The following GABRA3 variants were observed in gnomAD, a reference collection of about 807,000 sequenced individuals.
GABRA3 encodes gamma-aminobutyric acid type A receptor subunit alpha3, also known as gamma-aminobutyric acid receptor subunit alpha-3.
In GABRA3, 10 loss-of-function variants were observed where a neutral mutation model predicts 30.1. That is an observed-to-expected ratio of 0.33 (90% CI 0.20 to 0.56). The LOEUF is 0.56. GABRA3 is among the 20% of genes least tolerant of loss of function. The pLI, the probability that GABRA3 is intolerant of heterozygous loss-of-function variation, is 0.89. For missense variants in GABRA3, 233 were observed against 392.0 expected (o/e 0.59, Z 3.42); for synonymous variants, 151 against 146.8 (o/e 1.03, Z -0.21).
intron 4 of GABRA3, among the ~76,000 whole-genome samples, chrX:152,276,750 G>C (rs1939093387): frequency 1.8e-5 from 2 of 111,000 alleles, no homozygotes; most frequent in Non-Finnish European, 3.8e-5. Flanking sequence ...TAAAAAATAA[G>C]TTGTATAATG....
At chrX:152,391,916 A>T (rs1365814797) in intron 1 of GABRA3, among the ~76,000 whole-genome samples, 1 of 111,978 alleles carries the variant, frequency 8.9e-6, no homozygotes, top group Non-Finnish European at 1.9e-5. Context: ...GCAAATACTT[A>T]TCATTTATAT....
At chrX:152,407,588 G>C (rs1036116184) in intron 1 of GABRA3, among the ~76,000 whole-genome samples, 1 of 111,806 alleles carries the variant, frequency 8.9e-6, no homozygotes, top group African/African-American at 3.3e-5. Context: ...GTAATAAAAT[G>C]TCTTCCATCA....
rs544097398 is a variant in GABRA3 at position 152,186,573 on chromosome X, G to C, written c.1143+3157C>G. 3.8e-5 allele frequency among the ~76,000 whole-genome samples: 4 copies of C among 104,250 alleles called. No individual in the cohort carries two copies. The South Asian group carries it at 1.7e-3, about 45-fold the overall frequency. The allele number at this position is 104,250 out of a possible 115,157, so 90.5% of individuals were successfully genotyped here. ...AGCCTAATTGTACTATTTTTTTTTT[G>C]CCTCCCTCCCTTCCTTCCTTCCTTT... On this transcript the variant is annotated intron_variant, in intron 9 of 9. Transcript: ENST00000370314.
chrX:152,434,744 T>C (rs1930734533), intron 1 of GABRA3, among the ~76,000 whole-genome samples: 1 of 111,797 alleles, frequency 8.9e-6, no homozygotes, highest in African/African-American at 3.3e-5. Flanking sequence ...CACTTAAAAG[T>C]CAATCACTGT....
At chrX:152,445,706 T>C (rs1931071546) in intron 1 of GABRA3, among the ~76,000 whole-genome samples, 1 of 111,260 alleles carries the variant, frequency 9.0e-6, no homozygotes. Flanking sequence ...TTGGAGGCTC[T>C]TTCTAAATAT....
chrX:152,231,717 T>C (rs951415261), intron 5 of GABRA3, among the ~76,000 whole-genome samples: 9 of 111,656 alleles, frequency 8.1e-5, no homozygotes, highest in African/African-American at 2.9e-4. Context: ...AAGAAAGACC[T>C]GTTTATAGCA....
intron 1 of GABRA3, among the ~76,000 whole-genome samples, chrX:152,376,886 A>G (rs1254984237): frequency 8.9e-6 from 1 of 111,746 alleles, no homozygotes; most frequent in Non-Finnish European, 1.9e-5. Context: ...ACACAACAGA[A>G]AATATATCAC....
intron 4 of GABRA3, among the ~76,000 whole-genome samples, chrX:152,282,047 C>T (rs1204726565): frequency 8.9e-6 from 1 of 111,967 alleles, no homozygotes; most frequent in Non-Finnish European, 1.9e-5. Flanking sequence ...CTTCATGGAG[C>T]TTTTGTCAAA....
chrX:152,334,183 T>C (rs1035671732), intron 3 of GABRA3, among the ~76,000 whole-genome samples: 3 of 111,762 alleles, frequency 2.7e-5, no homozygotes, highest in Non-Finnish European at 3.8e-5. Flanking sequence ...TTAAAAACTT[T>C]TAGCAAACTA....
intron 3 of GABRA3, among the ~76,000 whole-genome samples, chrX:152,299,708 TATAA>T (rs1418218783): frequency 8.9e-6 from 1 of 112,104 alleles, no homozygotes; most frequent in African/African-American, 3.2e-5. Flanking sequence ...TCCCACTTGT[TATAA>T]ATAAATTTCT....
At chrX:152,382,224 A>G (rs889718029) in intron 1 of GABRA3, among the ~76,000 whole-genome samples, 3 of 112,500 alleles carry the variant, frequency 2.7e-5, no homozygotes, top group Middle Eastern at 4.2e-3. Context: ...CAAAACCACA[A>G]TGAGATACCA....
chrX:152,387,373 T>G (rs189157023), intron 1 of GABRA3, among the ~76,000 whole-genome samples: 11 of 111,615 alleles, frequency 9.9e-5, no homozygotes, highest in Non-Finnish European at 2.1e-4. Context: ...TAAAGTGTAT[T>G]TTGTTATACA....
intron 1 of GABRA3, among the ~76,000 whole-genome samples, chrX:152,430,240 GA>G (rs1484931968): frequency 1.8e-5 from 2 of 111,820 alleles, no homozygotes; most frequent in African/African-American, 6.5e-5. Context: ...AGCTGAAACA[GA>G]AAAATGAACT....
chrX:152,268,233 G>C (rs1477093910), intron 4 of GABRA3, among the ~76,000 whole-genome samples: 1 of 111,156 alleles, frequency 9.0e-6, no homozygotes, highest in Non-Finnish European at 1.9e-5. Context: ...ATAAGGTTTT[G>C]CTCTGTGTCC....
At chrX:152,243,901 A>T (rs1938421930) in intron 5 of GABRA3, among the ~76,000 whole-genome samples, 1 of 112,025 alleles carries the variant, frequency 8.9e-6, no homozygotes, top group Admixed American at 9.5e-5. Context: ...CAGGGTAAAT[A>T]ATTTCTTTCT....
intron 3 of GABRA3, among the ~76,000 whole-genome samples, chrX:152,313,525 C>G (rs1421988532): frequency 8.9e-6 from 1 of 111,801 alleles, no homozygotes. Context: ...GCTGTATGTT[C>G]TCTCAGGTTT....
intron 1 of GABRA3, among the ~76,000 whole-genome samples, chrX:152,438,883 A>C (rs919830444): frequency 1.8e-5 from 2 of 111,133 alleles, no homozygotes; most frequent in Non-Finnish European, 3.8e-5. Context: ...ATTCTATATT[A>C]TACAATAATG....
chrX:152,382,018 C>T (rs1929159057), intron 1 of GABRA3, among the ~76,000 whole-genome samples: 3 of 111,580 alleles, frequency 2.7e-5, no homozygotes, highest in South Asian at 7.5e-4. Context: ...CATACGTGTG[C>T]AACCTATCCA....
At chrX:152,176,508 T>A (rs1354661359) in intron 9 of GABRA3, among the ~76,000 whole-genome samples, 1 of 110,878 alleles carries the variant, frequency 9.0e-6, no homozygotes, top group East Asian at 2.8e-4. Context: ...TAGGTTTGGG[T>A]TGTCTGAGAG....
Sources: allele counts gnomAD v4.1 joint callset (sites outside exome capture counted in the v4.1 genomes callset), GRCh38; gene constraint gnomAD v4.1.1; transcripts MANE v1.5; gene names NCBI Gene and HGNC (gene_info 2026-07-23, HGNC 2026-07-21).